AVIL: variants seen among roughly 807,000 people sequenced by gnomAD.
AVIL encodes the protein advillin.
In AVIL, 78 loss-of-function variants were observed where a neutral mutation model predicts 109.9. The observed-to-expected ratio is 0.71, with a 90% CI of 0.59 to 0.86. The LOEUF (loss-of-function observed/expected upper bound fraction) is 0.86. AVIL is among the 40% of genes least tolerant of loss of function. AVIL has a pLI of 0.00. For synonymous variants in AVIL, 367 were observed against 379.1 expected, an observed-to-expected ratio of 0.97 and a Z score of 0.37; for missense variants, 892 against 1,016.5, an observed-to-expected ratio of 0.88 and a Z score of 1.67.
Position 57,808,486 on chromosome 12 carries a change from A to G in AVIL, c.1002T>C (p.Ala334=), listed in dbSNP as rs1482531713. 2 of 1,614,180 alleles carry G rather than the reference A, an allele frequency of 1.2e-6. No homozygotes were observed. Among genetic ancestry groups the G allele is most frequent in the Non-Finnish European group, 1.7e-6 (2 of 1,180,038 alleles). The change falls in exon 10 of 20, where the codon GCT becomes GCC. Residue 334 remains alanine, a synonymous_variant. Coordinates refer to ENST00000549994, the MANE Select transcript of AVIL (RefSeq NM_006576.4). ...STNVETVNDG[A]ESAMFKQLFQ... is the part of the protein sequence containing the mutation. ...ACAGCTGCTTGAACATGGCCGACTC[A>G]GCACCATCGTTGACGGTCTCCACAT...
chr12:57,807,312 T>C lies in AVIL; in HGVS notation c.1491+19A>G. 1.2e-6 allele frequency: 2 copies of C among 1,614,208 alleles called. No individual in the cohort carries two copies. Among genetic ancestry groups the C allele is most frequent in the East Asian group, 2.2e-5 (1 of 44,890 alleles). On this transcript the variant is annotated intron_variant, in intron 13 of 19. Transcript: ENST00000549994. Reference sequence around the variant, plus strand: ...GGAACGTTCCAGCTCATGGTGTAATTTTATCAGAGCATCCTCACCTCAAAG... The same window carrying C: ...GGAACGTTCCAGCTCATGGTGTAATCTTATCAGAGCATCCTCACCTCAAAG...
At chr12:57,809,495 A>G in intron 9 of AVIL, 102 bp downstream of exon 9, 2 of 1,366,578 alleles carry the variant, frequency 1.5e-6, no homozygotes. Context: ...ACGTAAGCAC[A>G]ATGTTATATG....
rs762933925 is a variant in AVIL, at chr12:57,814,248, A to G, written c.67-22T>C. The G allele has an allele frequency of 1.6e-5, 26 of 1,604,182 alleles. No homozygotes were observed. The African/African-American group carries it at 2.5e-4, about 16-fold the overall frequency. ...TTTTCTGGAAGGACAAGGGGTGGGT[A>G]TAGGCTACATCCCCTCCCACCTCCC... On this transcript the variant is annotated intron_variant, in intron 2 of 19. Transcript: ENST00000549994.
At position 57,806,287 on chromosome 12, in the gene AVIL, T is replaced by C. The variant is rs1210705176; in HGVS notation, c.1671+73A>G. On this transcript the variant is annotated intron_variant, in intron 14 of 19. Transcript: ENST00000549994. Reference sequence around the variant, plus strand: ...CCAGCCTACTCTAGGTCCTTTGACCTTGCTGACAGGAGGAGGGGAGTGCAG... The same window carrying C: ...CCAGCCTACTCTAGGTCCTTTGACCCTGCTGACAGGAGGAGGGGAGTGCAG... 2.6e-6 allele frequency: 4 copies of C among 1,556,906 alleles called. No homozygotes were observed. The South Asian group carries it at 4.5e-5, about 17-fold the overall frequency.
chr12:57,810,267 G>T, intron 7 of AVIL, 82 bp downstream of exon 7: 1 of 1,464,010 alleles, frequency 6.8e-7, no homozygotes, highest in Non-Finnish European at 9.4e-7. Context: ...AAAACAAGGA[G>T]CCAAGCAGAG....
At chr12:57,807,899 G>A (rs540338782) in intron 11 of AVIL, 172 bp from the exon 12 acceptor site, 7 of 1,005,476 alleles carry the variant, frequency 7.0e-6, no homozygotes, top group African/African-American at 3.2e-5. Flanking sequence ...GATTTGAATC[G>A]TGAGATGAAC....
chr12:57,803,969 T>G lies in AVIL; in HGVS notation c.1672-300A>C, dbSNP rs558765428. The G allele has an allele frequency of 6.2e-5, 17 of 275,526 alleles. No homozygotes were observed. The South Asian group carries it at 1.2e-3, about 19-fold the overall frequency. The allele number at this position is 275,526 out of a possible 1,614,324, so 17.1% of individuals were successfully genotyped here. A position where few individuals can be genotyped will look rare whatever the true frequency, so the allele number is the denominator to read the frequency against. ...TGATTTTTATTTTAGAGAAAAAATT[T>G]AAATTTATTTTTAAAAGTACATACA... On this transcript the variant is annotated intron_variant, in intron 14 of 19. Transcript: ENST00000549994.
At position 57,811,001 on chromosome 12, in the gene AVIL, A is replaced by C. The variant is rs1956030200; in HGVS notation, c.447+18T>G. 5.6e-6 allele frequency: 9 copies of C among 1,613,978 alleles called. No individual in the cohort carries two copies. The South Asian group carries it at 7.7e-5, about 14-fold the overall frequency. On this transcript the variant is annotated intron_variant, in intron 5 of 19. Transcript: ENST00000549994. The stretch of plus-strand genomic sequence containing the variant: ...TGGAGAAGCCCCGGGCCTGGGGCAG[A>C]GAGTGTGCAGGACTAACCTCGGTAG...
chr12:57,809,110 T>A (rs534279608), intron 9 of AVIL: 19 of 168,606 alleles, frequency 1.1e-4, no homozygotes, highest in Non-Finnish European at 2.4e-4. Context: ...TTTTCCTATC[T>A]CAGTGCCCTG....
chr12:57,818,173 C>A, intron 1 of AVIL, among the ~76,000 whole-genome samples: 1 of 123,450 alleles, frequency 8.1e-6, no homozygotes, highest in Middle Eastern at 4.2e-3. Context: ...TGTGCACCAC[C>A]ATGCTTGGCT....
In AVIL at chr12:57,807,188, A is replaced by G. The variant is rs150924601; in HGVS notation, c.1491+143T>C. 5,768 of 1,223,740 alleles carry G rather than the reference A, an allele frequency of 4.7e-3. 18 individuals are homozygous for G. The highest frequency in any genetic ancestry group is 6.0e-3 in the Non-Finnish European group (5,194 of 859,642). 75.8% of individuals were successfully genotyped at this position (1,223,740 alleles called of 1,614,324 possible). A position where few individuals can be genotyped will look rare whatever the true frequency, so the allele number is the denominator to read the frequency against. On this transcript the variant is annotated intron_variant, in intron 13 of 19. Transcript: ENST00000549994. ...CAGTTGGGATTCACTTGACTGTCTT[A>G]GAGGGATTAACCCCCTTCTTCCTCT... is the stretch of plus-strand genomic sequence containing the variant.
At chr12:57,803,457 C>T (rs1955890155) in intron 15 of AVIL, 66 bp from the exon 16 acceptor site, 1 of 1,613,422 alleles carries the variant, frequency 6.2e-7, no homozygotes, top group Admixed American at 1.7e-5. Context: ...AGGTTTTAGC[C>T]TTTGTGCAAT....
chr12:57,810,306 C>T, intron 7 of AVIL, 43 bp downstream of exon 7: 1 of 1,607,984 alleles, frequency 6.2e-7, no homozygotes, highest in Non-Finnish European at 8.5e-7. Flanking sequence ...GACACCTTCC[C>T]CCCAACCCCA....
chr12:57,810,125 G>C (rs773538302), intron 7 of AVIL, among the ~76,000 whole-genome samples: 5 of 152,162 alleles, frequency 3.3e-5, no homozygotes, highest in Non-Finnish European at 7.3e-5. Context: ...GTGTAGGCTA[G>C]AGTAAAGGAA....
intron 14 of AVIL, among the ~76,000 whole-genome samples, chr12:57,804,825 A>C (rs1955918319): frequency 6.6e-6 from 1 of 152,062 alleles, no homozygotes; most frequent in Non-Finnish European, 1.5e-5. Context: ...AAAAACAAAA[A>C]AAAAACTGAA....
At chr12:57,814,388 T>C in intron 2 of AVIL, 162 bp from the exon 3 acceptor site, 1 of 661,030 alleles carries the variant, frequency 1.5e-6, no homozygotes. Flanking sequence ...AGGGTTAACG[T>C]GGCCATCCCT....
chr12:57,814,297 C>T (rs1229751186), intron 2 of AVIL, 71 bp from the exon 3 acceptor site: 3 of 1,451,138 alleles, frequency 2.1e-6, no homozygotes, highest in East Asian at 4.9e-5. Context: ...TCCCTCTCCT[C>T]TCTGTCATTC....
In AVIL at chr12:57,807,667, A is replaced by T. The variant is rs1337052448; in HGVS notation, c.1255T>A (p.Tyr419Asn). The part of the protein sequence containing the change: ...PVEYQWYGFF[Y>N]GGDCYLVLYT... ...AGGACCAGATAACAGTCTCCCCCAT[A>T]AAAGAAGCCATACCATTGATACTCC... Residue 419 changes from tyrosine to asparagine, a missense_variant, in exon 12 of 20, where the codon TAT becomes AAT. Transcript: ENST00000549994. The T allele has an allele frequency of 6.2e-7, 1 of 1,613,960 alleles. No homozygotes were observed. The highest frequency in any genetic ancestry group is 8.5e-7 in the Non-Finnish European group (1 of 1,180,026).
chr12:57,808,327 G>C, intron 10 of AVIL, 33 bp from the exon 11 acceptor site: 3 of 1,614,096 alleles, frequency 1.9e-6, no homozygotes, highest in Non-Finnish European at 2.5e-6. Context: ...AGCCGAGTGA[G>C]TAAGAAGCAT....
Sources: gnomAD v4.1 joint callset for allele counts (sites outside exome capture counted in the v4.1 genomes callset) on GRCh38, gnomAD v4.1.1 for gene constraint, MANE v1.5 for transcripts, NCBI Gene and HGNC (gene_info 2026-07-23, HGNC 2026-07-21) for gene names.